Variants in KCNIP2 observed in about 807,000 individuals in gnomAD.
KCNIP2 encodes A-type potassium channel modulatory protein KCNIP2.
KCNIP2 carries 19 observed loss-of-function variants against 39.0 expected under a neutral mutation model. The observed-to-expected ratio is 0.49, with a 90% confidence interval of 0.34 to 0.71. The LOEUF (loss-of-function observed/expected upper bound fraction) is 0.71. Ranked by LOEUF, KCNIP2 falls within the 30% of genes least tolerant of loss-of-function variation. KCNIP2 has a pLI of 0.01. For missense variants in KCNIP2, 261 were observed against 346.0 expected, an observed-to-expected ratio of 0.75 and a Z score of 1.95; for synonymous variants, 111 against 131.2, an observed-to-expected ratio of 0.85 and a Z score of 1.05.
At chr10:101,831,400 C>G (rs151226756) in intron 1 of KCNIP2, among the ~76,000 whole-genome samples, 7 of 152,108 alleles carry the variant, frequency 4.6e-5, no homozygotes, top group African/African-American at 1.7e-4. Flanking sequence ...GACAGCGAGG[C>G]GGCAAGGATG....
intron 2 of KCNIP2, chr10:101,830,501 C>A: frequency 2.4e-6 from 3 of 1,236,126 alleles, no homozygotes; most frequent in Non-Finnish European, 3.1e-6. Context: ...CAGGCCTCAG[C>A]CTGGTCACAA....
chr10:101,841,514 A>G (rs974667937), intron 1 of KCNIP2, among the ~76,000 whole-genome samples: 9 of 152,104 alleles, frequency 5.9e-5, no homozygotes, highest in Admixed American at 3.3e-4. Context: ...CTACTTTCCA[A>G]GTCGTGTGTG....
chr10:101,827,725 C>T lies in KCNIP2; in HGVS notation c.729G>A (p.Val243=). The change falls in exon 9 of 10, where the codon GTG becomes GTA. Residue 243 remains valine, a synonymous_variant. Transcript: ENST00000356640. The part of the protein sequence containing the change: ...FQKMDRNKDG[V]VTIEEFIESC... ...ACTCAATGAATTCCTCAATGGTCAC[C>T]ACACCATCCTTGTTTCTGTCCATCT... is the stretch of plus-strand genomic sequence containing the variant. 6.2e-7 allele frequency: 1 copy of T among 1,613,882 alleles called. No homozygotes were observed. The highest frequency in any genetic ancestry group is 8.5e-7 in the Non-Finnish European group (1 of 1,179,760).
chr10:101,829,167 C>T lies in KCNIP2; in HGVS notation c.256G>A (p.Val86Met). 1 of 1,614,078 alleles carries T rather than the reference C, an allele frequency of 6.2e-7. No individual in the cohort carries two copies. The highest frequency in any genetic ancestry group is 8.5e-7 in the Non-Finnish European group (1 of 1,179,982). ...SVDDEFELST[V>M]CHRPEGLEQL... The stretch of plus-strand genomic sequence containing the variant: ...TCCAGACCCTCAGGCCGGTGACACA[C>T]GGTGGACAATTCAAATTCATCGTCC... Residue 86 changes from valine to methionine, a missense_variant, in exon 4 of 10, where the codon GTG becomes ATG. By Grantham distance (21) the Val-to-Met change is conservative. Coordinates refer to ENST00000356640, the MANE Select transcript of KCNIP2 (RefSeq NM_173191.3).
At chr10:101,830,530 C>T (rs1181935155) in intron 2 of KCNIP2, 3 of 1,115,204 alleles carry the variant, frequency 2.7e-6, no homozygotes, top group South Asian at 3.2e-5. Context: ...CCCACACTCT[C>T]GGGTCCCACA....
chr10:101,834,105 T>C (rs1323245096), intron 1 of KCNIP2, among the ~76,000 whole-genome samples: 2 of 151,820 alleles, frequency 1.3e-5, no homozygotes, highest in African/African-American at 4.8e-5. Flanking sequence ...CTCCCAGATG[T>C]TGTATCCCCC....
intron 1 of KCNIP2, among the ~76,000 whole-genome samples, chr10:101,837,350 T>C (rs535477018): frequency 3.4e-4 from 52 of 152,234 alleles, no homozygotes; most frequent in African/African-American, 1.2e-3. Flanking sequence ...TGATTTTTTT[T>C]CCAAGATAAC....
intron 1 of KCNIP2, among the ~76,000 whole-genome samples, chr10:101,840,929 A>T (rs548009304): frequency 6.6e-6 from 1 of 152,300 alleles, no homozygotes; most frequent in South Asian, 2.1e-4. Context: ...AGGGCTAGCC[A>T]GCCAGGCTCC....
chr10:101,835,469 G>C (rs2066124617), intron 1 of KCNIP2, among the ~76,000 whole-genome samples: 1 of 152,150 alleles, frequency 6.6e-6, no homozygotes, highest in African/African-American at 2.4e-5. Flanking sequence ...AGGGGGGACT[G>C]TGCTGGCTCC....
chr10:101,840,980 T>G (rs1203574587), intron 1 of KCNIP2, among the ~76,000 whole-genome samples: 2 of 152,180 alleles, frequency 1.3e-5, no homozygotes, highest in Non-Finnish European at 2.9e-5. Flanking sequence ...TCTCTTCCGC[T>G]CAGACAGGGC....
intron 3 of KCNIP2, 190 bp from the exon 4 acceptor site, chr10:101,829,389 A>C: frequency 1.4e-6 from 1 of 707,172 alleles, no homozygotes; most frequent in Non-Finnish European, 2.2e-6. Context: ...TTCGAGGTCT[A>C]TCAGCGGGCC....
chr10:101,829,238 C>T (rs1268502327), intron 3 of KCNIP2, 39 bp from the exon 4 acceptor site: 5 of 1,577,388 alleles, frequency 3.2e-6, no homozygotes, highest in Non-Finnish European at 8.6e-7. Flanking sequence ...TCAGGCCCAG[C>T]CTCCGCGACC....
chr10:101,828,128 C>G lies in KCNIP2; in HGVS notation c.597+23G>C, dbSNP rs756741869. On this transcript the variant is annotated intron_variant, in intron 7 of 9. Transcript: ENST00000356640. This position sits in a 1 kb window ranked among gnomAD's most constrained non-coding sequence, Gnocchi z 6.6. ...CCACCCCCATCACCGCCACAGACCCCCAGCCCTTCAGTTGCCCTGCACCTC... is the reference window on the plus strand; with the variant it reads ...CCACCCCCATCACCGCCACAGACCCGCAGCCCTTCAGTTGCCCTGCACCTC... 6.2e-7 allele frequency: 1 copy of G among 1,606,164 alleles called. No homozygotes were observed.
chr10:101,830,371 G>C, intron 2 of KCNIP2: 1 of 1,274,602 alleles, frequency 7.8e-7, no homozygotes, highest in South Asian at 1.3e-5. Flanking sequence ...ACACATCAGG[G>C]GTCCAAAACA....
At chr10:101,834,333 C>T (rs1259849064) in intron 1 of KCNIP2, 5 of 399,214 alleles carry the variant, frequency 1.3e-5, no homozygotes, top group African/African-American at 4.1e-5. Flanking sequence ...GCGAGGACCA[C>T]GAGCACAGCA....
Position 101,843,583 on chromosome 10 carries a change from C to A in KCNIP2, c.-15G>T, listed in dbSNP as rs2066397481. Reference sequence around the variant, plus strand: ...TGGCCCCGCATGGCCCCCGGCGCCCCGCTCCCGCCCGGGCCGTGGGAGGGG... The same window carrying A: ...TGGCCCCGCATGGCCCCCGGCGCCCAGCTCCCGCCCGGGCCGTGGGAGGGG... On this transcript the variant is annotated 5_prime_UTR_variant, in exon 1 of 10. Transcript: ENST00000356640. This position sits in a 1 kb window ranked among gnomAD's most constrained non-coding sequence, Gnocchi z 6.7. 1.3e-6 allele frequency: 2 copies of A among 1,492,858 alleles called. No homozygotes were observed. The highest frequency in any genetic ancestry group is 8.9e-7 in the Non-Finnish European group (1 of 1,117,498). 92.5% of individuals were successfully genotyped at this position (1,492,858 alleles called of 1,614,324 possible).
chr10:101,836,309 G>A (rs1461009283), intron 1 of KCNIP2, among the ~76,000 whole-genome samples: 1 of 129,858 alleles, frequency 7.7e-6, no homozygotes, highest in Non-Finnish European at 1.6e-5. Flanking sequence ...ACAGAGTCTC[G>A]TTCTATCACC....
intron 1 of KCNIP2, among the ~76,000 whole-genome samples, chr10:101,833,394 G>A (rs2066054434): frequency 6.6e-6 from 1 of 152,182 alleles, no homozygotes; most frequent in East Asian, 1.9e-4. Flanking sequence ...CCTGATAGGA[G>A]CTTGGAGAGG....
At chr10:101,833,686 T>C (rs1469412070) in intron 1 of KCNIP2, among the ~76,000 whole-genome samples, 1 of 152,054 alleles carries the variant, frequency 6.6e-6, no homozygotes, top group Non-Finnish European at 1.5e-5. Context: ...CATACAGTCA[T>C]ATCCCTGTCC....
Sources: gnomAD v4.1 joint callset for allele counts (sites outside exome capture counted in the v4.1 genomes callset) on GRCh38, gnomAD v4.1.1 for gene constraint, Gnocchi (gnomAD v3.1) non-coding constraint, MANE v1.5 for transcripts, NCBI Gene and HGNC (gene_info 2026-07-23, HGNC 2026-07-21) for gene names.